Variants in DEGS2 observed in about 807,000 individuals in gnomAD.
DEGS2 encodes the protein delta 4-desaturase, sphingolipid 2, also known as sphingolipid delta(4)-desaturase/C4-monooxygenase DES2.
Under a neutral mutation model 23.8 loss-of-function variants are expected in DEGS2, and 19 were observed. The ratio of observed to expected loss-of-function variants is 0.80; its 90% CI spans 0.56 to 1.17. The LOEUF (loss-of-function observed/expected upper bound fraction) is 1.17. Ranked by LOEUF, DEGS2 falls within the 50% of genes most tolerant of loss-of-function variation. The probability of loss-of-function intolerance (pLI) is 0.00; values close to 1 mark genes in which losing one functional copy is unlikely to be tolerated. For synonymous variants in DEGS2, 218 were observed against 213.7 expected (o/e 1.02, Z -0.18); for missense variants, 390 against 459.5 (o/e 0.85, Z 1.38).
At chr14:100,148,902 G>A (rs1456096980) in intron 2 of DEGS2, 66 bp downstream of exon 2, 1 of 1,535,582 alleles carries the variant, frequency 6.5e-7, no homozygotes, top group Non-Finnish European at 8.8e-7. Context: ...CCCTTCCAGG[G>A]CCCCCACCTC....
the DEGS2 span, among the ~76,000 whole-genome samples, chr14:100,165,598 G>GC: frequency 1.3e-5 from 2 of 152,196 alleles, no homozygotes; most frequent in Admixed American, 1.3e-4. Context: ...GACGGGCGGT[G>GC]CCCCCGCCTG....
chr14:100,159,602 C>A lies in DEGS2; in HGVS notation c.-15G>T. On this transcript the variant is annotated 5_prime_UTR_variant, in exon 1 of 3. Coordinates refer to ENST00000305631, the MANE Select transcript of DEGS2 (RefSeq NM_206918.3). ...CTGTTGCCCATGGTGGGGCGGGAGG[C>A]GCCGTTCGGAGCGCGGCCGGCTCGG... 1 of 1,478,574 alleles carries A rather than the reference C, an allele frequency of 6.8e-7. No homozygotes were observed. The highest frequency in any genetic ancestry group is 9.0e-7 in the Non-Finnish European group (1 of 1,115,814). 91.6% of individuals were successfully genotyped at this position (1,478,574 alleles called of 1,614,324 possible).
At chr14:100,151,691 A>G (rs1352111594) in intron 1 of DEGS2, among the ~76,000 whole-genome samples, 1 of 152,214 alleles carries the variant, frequency 6.6e-6, no homozygotes, top group East Asian at 1.9e-4. Context: ...AAGGAGTTCC[A>G]GAGGTGGCAC....
chr14:100,161,647 T>C (rs1161260374), upstream of DEGS2, among the ~76,000 whole-genome samples: 6 of 152,216 alleles, frequency 3.9e-5, no homozygotes, highest in African/African-American at 1.2e-4. Context: ...TGTATCAATA[T>C]TGGTCCATCA....
chr14:100,152,137 G>A (rs2895845), intron 1 of DEGS2, among the ~76,000 whole-genome samples: 1,987 of 152,280 alleles, frequency 0.013, 39 homozygotes, highest in African/African-American at 0.046. Flanking sequence ...CTCAGCAGGA[G>A]CCATTCCGGC....
At chr14:100,151,572 A>G (rs1033729720) in intron 1 of DEGS2, among the ~76,000 whole-genome samples, 1 of 152,216 alleles carries the variant, frequency 6.6e-6, no homozygotes, top group African/African-American at 2.4e-5. Flanking sequence ...AGACACCCAC[A>G]CTGCAGGTAC....
At chr14:100,158,600 C>A (rs1018330251) in intron 1 of DEGS2, among the ~76,000 whole-genome samples, 8 of 146,068 alleles carry the variant, frequency 5.5e-5, no homozygotes, top group African/African-American at 2.0e-4. Context: ...CAAATAAGTG[C>A]AAATTAAAGC....
rs982517692 is a variant in DEGS2, at chr14:100,146,664, T to C, written c.*97A>G. On this transcript the variant is annotated 3_prime_UTR_variant, in exon 3 of 3. Coordinates refer to ENST00000305631, the MANE Select transcript of DEGS2 (RefSeq NM_206918.3). ...CACTCCTCGGGGACAAGGGCAGCAG[T>C]CCAGAGCACAGGAAGGAAATGTAGC... is the stretch of plus-strand genomic sequence containing the variant. The C allele has an allele frequency of 1.3e-6, 2 of 1,524,278 alleles. No individual in the cohort carries two copies. Among genetic ancestry groups the C allele is most frequent in the Non-Finnish European group, 1.8e-6 (2 of 1,131,558 alleles). The allele number at this position is 1,524,278 out of a possible 1,614,324, so 94.4% of individuals were successfully genotyped here.
chr14:100,159,467 G>T (rs764218955), intron 1 of DEGS2, 39 bp downstream of exon 1: 1 of 1,439,690 alleles, frequency 6.9e-7, no homozygotes. Flanking sequence ...CGGGCCAACG[G>T]GGCGGTCCCC....
intron 1 of DEGS2, among the ~76,000 whole-genome samples, chr14:100,155,903 C>T (rs192596043): frequency 3.1e-4 from 47 of 152,280 alleles, no homozygotes; most frequent in Admixed American, 9.8e-4. Context: ...CTTACTCCAC[C>T]GGCCACGCCT....
chr14:100,162,506 G>A (rs1049206995), upstream of DEGS2, among the ~76,000 whole-genome samples: 14 of 152,116 alleles, frequency 9.2e-5, no homozygotes, highest in Non-Finnish European at 2.1e-4. Context: ...TGGACTCAAG[G>A]AATCCACCCA....
At chr14:100,149,903 C>G (rs1013767755) in intron 1 of DEGS2, among the ~76,000 whole-genome samples, 193 bp from the exon 2 acceptor site, 1 of 152,250 alleles carries the variant, frequency 6.6e-6, no homozygotes, top group Admixed American at 6.5e-5. Context: ...CCTCATCCCA[C>G]CAGACTCAGA....
upstream of DEGS2, among the ~76,000 whole-genome samples, chr14:100,163,168 G>A (rs1242352558): frequency 1.3e-5 from 2 of 152,174 alleles, no homozygotes; most frequent in African/African-American, 2.4e-5. Flanking sequence ...CGAGCCGGGC[G>A]AGGTGGCTCA....
chr14:100,144,024 A>G lies in DEGS2; in HGVS notation c.*2737T>C. The stretch of plus-strand genomic sequence containing the variant: ...TCTTTGGGTTTCTAGAGACGCCCCT[A>G]AGTCACCTGCTTCATTAGACGGTTT... On this transcript the variant is annotated 3_prime_UTR_variant, in exon 3 of 3. Transcript: ENST00000305631. 2.1e-6 allele frequency: 1 copy of G among 468,788 alleles called. No homozygotes were observed. The highest frequency in any genetic ancestry group is 3.8e-6 in the Non-Finnish European group (1 of 263,410). 29.0% of individuals were successfully genotyped at this position (468,788 alleles called of 1,614,324 possible). A position where few individuals can be genotyped will look rare whatever the true frequency, so the allele number is the denominator to read the frequency against.
intron 1 of DEGS2, among the ~76,000 whole-genome samples, chr14:100,150,460 G>A (rs572806654): frequency 6.7e-6 from 1 of 149,314 alleles, no homozygotes; most frequent in East Asian, 2.0e-4. Flanking sequence ...CAAACCTTGG[G>A]GCAAGAGGGA....
the DEGS2 span, among the ~76,000 whole-genome samples, chr14:100,166,690 G>A: frequency 6.6e-6 from 1 of 152,116 alleles, no homozygotes; most frequent in East Asian, 1.9e-4. Flanking sequence ...GGTCGGGTAA[G>A]ACGCCACCTA....
chr14:100,161,385 G>C (rs917199897), upstream of DEGS2, among the ~76,000 whole-genome samples: 5 of 152,144 alleles, frequency 3.3e-5, no homozygotes, highest in African/African-American at 4.8e-5. Context: ...AGACACCCAG[G>C]ATGCATGAAA....
chr14:100,159,594 GC>G lies in DEGS2; in HGVS notation c.-8del. The G allele has an allele frequency of 1.3e-6, 2 of 1,487,060 alleles. No individual in the cohort carries two copies. The highest frequency in any genetic ancestry group is 1.8e-6 in the Non-Finnish European group (2 of 1,120,244). The allele number at this position is 1,487,060 out of a possible 1,614,324, so 92.1% of individuals were successfully genotyped here. A position where few individuals can be genotyped will look rare whatever the true frequency, so the allele number is the denominator to read the frequency against. On this transcript the variant is annotated 5_prime_UTR_variant, in exon 1 of 3. Coordinates refer to ENST00000305631, the MANE Select transcript of DEGS2 (RefSeq NM_206918.3). ...GGCTCGCGCTGTTGCCCATGGTGGG[GC>G]GGGAGGCGCCGTTCGGAGCGCGGCC...
chr14:100,149,876 C>A (rs139516465), intron 1 of DEGS2, among the ~76,000 whole-genome samples, 166 bp from the exon 2 acceptor site: 7 of 152,340 alleles, frequency 4.6e-5, no homozygotes, highest in African/African-American at 1.7e-4. Context: ...GGCCCGCTGG[C>A]CCCCACCCTG....
Sources: gnomAD v4.1 joint callset for allele counts (sites outside exome capture counted in the v4.1 genomes callset) on GRCh38, gnomAD v4.1.1 for gene constraint, MANE v1.5 for transcripts, NCBI Gene and HGNC (gene_info 2026-07-23, HGNC 2026-07-21) for gene names.